Variants in CAMKMT observed in about 807,000 individuals in gnomAD.
CAMKMT encodes the protein calmodulin-lysine N-methyltransferase.
CAMKMT carries 53 observed loss-of-function variants against 48.0 expected under a neutral mutation model. The observed-to-expected ratio is 1.10, with a 90% CI of 0.89 to 1.39. The LOEUF (loss-of-function observed/expected upper bound fraction) is 1.39, where lower values mean the gene tolerates loss of function less well. Among genes scored for constraint, CAMKMT ranks in the 40% most tolerant of loss-of-function variants. CAMKMT has a pLI of 0.00. For synonymous variants in CAMKMT, 165 were observed against 152.3 expected, an observed-to-expected ratio of 1.08 and a Z score of -0.61; for missense variants, 428 against 402.7, an observed-to-expected ratio of 1.06 and a Z score of -0.54.
At chr2:44,723,429 A>G (rs1033523071) in intron 7 of CAMKMT, among the ~76,000 whole-genome samples, 3 of 151,982 alleles carry the variant, frequency 2.0e-5, no homozygotes, top group East Asian at 3.9e-4. Flanking sequence ...CACCTCTACT[A>G]AAAACAGAAA....
rs1572710912 is a variant in CAMKMT, at chr2:44,386,402, T to C, written c.312-3839T>C. ...GTGAGGTTATTTGGATTTTCTCTCT[T>C]CTTTTCTTGGTTAATCTTGCTAATG... On this transcript the variant is annotated intron_variant, in intron 2 of 10. Coordinates refer to ENST00000378494, the MANE Select transcript of CAMKMT (RefSeq NM_024766.5). Among the ~76,000 whole-genome samples the C allele has an allele frequency of 2.0e-5, 3 of 152,142 alleles. No homozygotes were observed. In the South Asian group the frequency reaches 6.2e-4, roughly 31 times the overall value.
chr2:44,481,695 A>C (rs1668972398), intron 3 of CAMKMT, among the ~76,000 whole-genome samples: 1 of 152,082 alleles, frequency 6.6e-6, no homozygotes, highest in Non-Finnish European at 1.5e-5. Flanking sequence ...CCTAATGATA[A>C]AGTTGATATT....
intron 3 of CAMKMT, among the ~76,000 whole-genome samples, chr2:44,523,495 A>G (rs1029168558): frequency 4.6e-5 from 7 of 151,786 alleles, no homozygotes; most frequent in Non-Finnish European, 8.8e-5. Context: ...GAGTTTCACC[A>G]TGTTGGCCAG....
At chr2:44,637,094 G>A (rs1673177941) in intron 3 of CAMKMT, among the ~76,000 whole-genome samples, 1 of 152,178 alleles carries the variant, frequency 6.6e-6, no homozygotes, top group Non-Finnish European at 1.5e-5. Flanking sequence ...AGGCTAGTGG[G>A]TGTTCGCTAA....
At position 44,704,267 on chromosome 2, in the gene CAMKMT, C is replaced by A; in HGVS notation, c.377-16C>A. ...GACTTCTATAATCAAAAGGTTTATC[C>A]TCTTGTGTTTTCTAGGCATCTGGCC... On this transcript the variant is annotated splice_polypyrimidine_tract_variant and intron_variant, in intron 3 of 10. Transcript: ENST00000378494. The A allele has an allele frequency of 6.2e-7, 1 of 1,605,090 alleles. No individual in the cohort carries two copies. Among genetic ancestry groups the A allele is most frequent in the East Asian group, 2.2e-5 (1 of 44,630 alleles).
At chr2:44,581,139 C>T (rs189163863) in intron 3 of CAMKMT, among the ~76,000 whole-genome samples, 23 of 152,082 alleles carry the variant, frequency 1.5e-4, no homozygotes, top group Non-Finnish European at 2.6e-4. Flanking sequence ...AGTATGTTTC[C>T]GATGAGATCA....
intron 6 of CAMKMT, among the ~76,000 whole-genome samples, chr2:44,710,085 G>T: frequency 6.6e-6 from 1 of 150,622 alleles, no homozygotes; most frequent in African/African-American, 2.4e-5. Context: ...AAGCTTCTAA[G>T]ATTCTGATTT....
At chr2:44,509,528 C>G (rs1572678889) in intron 3 of CAMKMT, among the ~76,000 whole-genome samples, 1 of 152,064 alleles carries the variant, frequency 6.6e-6, no homozygotes, top group African/African-American at 2.4e-5. Context: ...CCAGGCTGGT[C>G]TTGATCTCTT....
intron 3 of CAMKMT, among the ~76,000 whole-genome samples, chr2:44,527,088 G>GTTTT (rs35522958): frequency 7.7e-6 from 1 of 130,632 alleles, no homozygotes; most frequent in Non-Finnish European, 1.6e-5. Flanking sequence ...ACCACCCCCA[G>GTTTT]TTTTTTTTTT....
intron 3 of CAMKMT, chr2:44,549,533 A>AT (rs1332459647): frequency 1.3e-5 from 9 of 693,262 alleles, no homozygotes; most frequent in Admixed American, 4.1e-5. Flanking sequence ...TGTATATATA[A>AT]TTTTTTTTCT....
chr2:44,703,796 A>AATC (rs1677392086), intron 3 of CAMKMT, among the ~76,000 whole-genome samples: 1 of 147,370 alleles, frequency 6.8e-6, no homozygotes. Context: ...AAAAAAAAAG[A>AATC]CAGAATTGTG....
intron 2 of CAMKMT, among the ~76,000 whole-genome samples, chr2:44,380,198 T>C (rs768803404): frequency 2.6e-5 from 4 of 152,160 alleles, no homozygotes; most frequent in Non-Finnish European, 5.9e-5. Flanking sequence ...AGGAAGAAAC[T>C]CAAAGTTCCT....
intron 3 of CAMKMT, among the ~76,000 whole-genome samples, chr2:44,454,139 A>G (rs1026323658): frequency 2.6e-5 from 4 of 152,140 alleles, no homozygotes; most frequent in African/African-American, 9.7e-5. Flanking sequence ...AATAAAACAT[A>G]TATTTTTAAC....
intron 3 of CAMKMT, among the ~76,000 whole-genome samples, chr2:44,493,866 C>G (rs549721531): frequency 2.0e-5 from 3 of 152,048 alleles, no homozygotes; most frequent in Non-Finnish European, 4.4e-5. Context: ...AAAAAATAAG[C>G]AAACCAGTAA....
chr2:44,450,072 C>A (rs1572901243), intron 3 of CAMKMT, among the ~76,000 whole-genome samples: 1 of 152,134 alleles, frequency 6.6e-6, no homozygotes, highest in African/African-American at 2.4e-5. Context: ...CCATCACACA[C>A]ACTTCATCAA....
intron 3 of CAMKMT, among the ~76,000 whole-genome samples, chr2:44,451,904 C>G (rs938810467): frequency 6.6e-6 from 1 of 151,390 alleles, no homozygotes; most frequent in Non-Finnish European, 1.5e-5. Flanking sequence ...AGCCAAAAAC[C>G]TTATTCCATT....
chr2:44,624,374 T>A (rs1046045141), intron 3 of CAMKMT, among the ~76,000 whole-genome samples: 3 of 152,072 alleles, frequency 2.0e-5, no homozygotes, highest in African/African-American at 7.2e-5. Flanking sequence ...ATGTGCACAA[T>A]GTGCAGGTTT....
At chr2:44,615,068 C>T (rs1403503004) in intron 3 of CAMKMT, among the ~76,000 whole-genome samples, 2 of 92,322 alleles carry the variant, frequency 2.2e-5, no homozygotes, top group Non-Finnish European at 4.9e-5. Flanking sequence ...GTTGGGACTA[C>T]AGGTGCACCC....
At chr2:44,479,329 C>T (rs1188901038) in intron 3 of CAMKMT, among the ~76,000 whole-genome samples, 1 of 152,086 alleles carries the variant, frequency 6.6e-6, no homozygotes, top group Non-Finnish European at 1.5e-5. Flanking sequence ...CACTAAGTGA[C>T]ATTAGATTAG....
Sources: gnomAD v4.1 joint callset for allele counts (sites outside exome capture counted in the v4.1 genomes callset) on GRCh38, gnomAD v4.1.1 for gene constraint, MANE v1.5 for transcripts, NCBI Gene and HGNC (gene_info 2026-07-23, HGNC 2026-07-21) for gene names.